DOCK3: variants seen among roughly 807,000 people sequenced by gnomAD.
DOCK3 encodes dedicator of cytokinesis protein 3.
In DOCK3, 60 loss-of-function variants were observed where a neutral mutation model predicts 265.6. That is an observed-to-expected ratio of 0.23 (90% CI 0.18 to 0.28). The LOEUF (loss-of-function observed/expected upper bound fraction) is 0.28. DOCK3 is among the 10% of genes least tolerant of loss of function. The pLI is 1.00. For missense variants in DOCK3, 1,981 were observed against 2,594.3 expected, an observed-to-expected ratio of 0.76 and a Z score of 5.14; for synonymous variants, 881 against 938.0, an observed-to-expected ratio of 0.94 and a Z score of 1.11.
At chr3:51,197,087 G>C (rs1467296471) in intron 12 of DOCK3, among the ~76,000 whole-genome samples, 2 of 152,212 alleles carry the variant, frequency 1.3e-5, no homozygotes, top group African/African-American at 2.4e-5. Context: ...ACTCTGGTGT[G>C]TGCAGTAGTG....
chr3:50,977,642 G>GA (rs2077508163), intron 5 of DOCK3, among the ~76,000 whole-genome samples: 1 of 152,100 alleles, frequency 6.6e-6, no homozygotes, highest in Admixed American at 6.5e-5. Flanking sequence ...TCTTCTCGAG[G>GA]AGTATCTTTG....
At chr3:51,094,690 T>G (rs989685664) in intron 9 of DOCK3, among the ~76,000 whole-genome samples, 1 of 151,430 alleles carries the variant, frequency 6.6e-6, no homozygotes, top group African/African-American at 2.4e-5. Context: ...CTTAGTTATT[T>G]CTTGTCTTCT....
chr3:51,258,118 C>G (rs2079648226), intron 22 of DOCK3, among the ~76,000 whole-genome samples: 1 of 152,222 alleles, frequency 6.6e-6, no homozygotes, highest in Admixed American at 6.5e-5. Context: ...GTGCAAGTCA[C>G]TTCGCTGTCT....
chr3:51,270,545 T>C (rs1310030958), intron 23 of DOCK3, among the ~76,000 whole-genome samples: 1 of 152,270 alleles, frequency 6.6e-6, no homozygotes. Flanking sequence ...TTTTTCTTTA[T>C]ACCCCATTCT....
chr3:50,828,836 C>T (rs2044944939), intron 2 of DOCK3, among the ~76,000 whole-genome samples: 1 of 152,154 alleles, frequency 6.6e-6, no homozygotes, highest in Non-Finnish European at 1.5e-5. Flanking sequence ...GCCTCAGCCT[C>T]CTGAGTAGGT....
chr3:50,864,491 A>C (rs2047050782), intron 3 of DOCK3, among the ~76,000 whole-genome samples: 1 of 152,090 alleles, frequency 6.6e-6, no homozygotes, highest in Non-Finnish European at 1.5e-5. Flanking sequence ...GTGATTTTTC[A>C]GGGCTTCCCC....
chr3:50,729,909 C>T (rs1422227824), intron 1 of DOCK3, among the ~76,000 whole-genome samples: 1 of 150,656 alleles, frequency 6.6e-6, no homozygotes, highest in South Asian at 2.1e-4. Flanking sequence ...ACCTCTGCCC[C>T]CTGGGTTTAA....
intron 1 of DOCK3, among the ~76,000 whole-genome samples, chr3:50,696,976 G>A (rs1298195656): frequency 1.3e-5 from 2 of 150,286 alleles, no homozygotes. Context: ...TGTTGCTCAG[G>A]CTGGCATGCA....
intron 13 of DOCK3, among the ~76,000 whole-genome samples, chr3:51,212,196 T>C (rs2089546213): frequency 6.6e-6 from 1 of 152,224 alleles, no homozygotes; most frequent in Non-Finnish European, 1.5e-5. Flanking sequence ...ATCTCTTGCA[T>C]AAACTTGAAG....
At chr3:50,838,705 C>G (rs183694588) in intron 2 of DOCK3, among the ~76,000 whole-genome samples, 1 of 152,268 alleles carries the variant, frequency 6.6e-6, no homozygotes, top group Admixed American at 6.5e-5. Flanking sequence ...TGTACTGGTT[C>G]ATTAAAAGCA....
chr3:50,801,805 C>T lies in DOCK3; in HGVS notation c.121+23047C>T, dbSNP rs563298369. Among the ~76,000 whole-genome samples the T allele has an allele frequency of 1.4e-3, 214 of 152,232 alleles. 1 individual carries two copies. The highest frequency in any genetic ancestry group is 0.014 in the Middle Eastern group (4 of 292). On this transcript the variant is annotated intron_variant, in intron 2 of 52. Transcript: ENST00000266037. ...ATTGCTGAGAGTGGAGTGTTGAAGT[C>T]CACAGCTATTATTGTATTTGGATCT...
intron 14 of DOCK3, among the ~76,000 whole-genome samples, chr3:51,219,694 C>G (rs2089978738): frequency 6.6e-6 from 1 of 152,172 alleles, no homozygotes; most frequent in Admixed American, 6.5e-5. Flanking sequence ...GTGGGACATA[C>G]TTCACATGAA....
At chr3:51,137,584 G>A (rs1166107538) in intron 9 of DOCK3, among the ~76,000 whole-genome samples, 1 of 152,128 alleles carries the variant, frequency 6.6e-6, no homozygotes, top group Non-Finnish European at 1.5e-5. Flanking sequence ...TGTACAAAAC[G>A]CAGTGCCATC....
At chr3:50,774,108 A>G (rs2041447835) in intron 1 of DOCK3, among the ~76,000 whole-genome samples, 1 of 152,084 alleles carries the variant, frequency 6.6e-6, no homozygotes, top group Non-Finnish European at 1.5e-5. Flanking sequence ...ATATGCATAT[A>G]TACACATGCA....
chr3:51,092,169 C>G (rs1019175836), intron 9 of DOCK3, among the ~76,000 whole-genome samples: 3 of 152,164 alleles, frequency 2.0e-5, no homozygotes, highest in Non-Finnish European at 4.4e-5. Context: ...GAACTGTTCA[C>G]TCCTCTGGAA....
intron 3 of DOCK3, among the ~76,000 whole-genome samples, chr3:50,856,751 C>G (rs1036221900): frequency 6.6e-6 from 1 of 151,990 alleles, no homozygotes; most frequent in African/African-American, 2.4e-5. Context: ...GGGGGACATT[C>G]TTGCCTTGTT....
At chr3:50,766,450 A>G (rs1390230350) in intron 1 of DOCK3, among the ~76,000 whole-genome samples, 10 of 151,718 alleles carry the variant, frequency 6.6e-5, no homozygotes, top group African/African-American at 2.4e-4. Context: ...AAGGACATGA[A>G]CTCATCCTTT....
chr3:51,310,127 A>G, intron 27 of DOCK3, 105 bp from the exon 28 acceptor site: 2 of 835,178 alleles, frequency 2.4e-6, no homozygotes, highest in East Asian at 5.3e-5. Context: ...GATCTAACTC[A>G]CTGGTCCCAC....
chr3:51,108,716 G>C (rs2109811645), intron 9 of DOCK3, among the ~76,000 whole-genome samples: 1 of 152,118 alleles, frequency 6.6e-6, no homozygotes, highest in African/African-American at 2.4e-5. Context: ...ATGGAAAACA[G>C]AAAAAAGCAG....
Sources: gnomAD v4.1 joint callset for allele counts (sites outside exome capture counted in the v4.1 genomes callset) on GRCh38, gnomAD v4.1.1 for gene constraint, MANE v1.5 for transcripts, NCBI Gene and HGNC (gene_info 2026-07-23, HGNC 2026-07-21) for gene names.